The following OPCML variants were observed in gnomAD, a reference collection of about 807,000 sequenced individuals.
OPCML encodes opioid binding protein/cell adhesion molecule like.
A neutral mutation model predicts 37.8 loss-of-function variants in OPCML; 13 were observed. That is an observed-to-expected ratio of 0.34 (90% CI 0.22 to 0.55). The LOEUF (loss-of-function observed/expected upper bound fraction) is 0.55. Among genes scored for constraint, OPCML ranks in the 20% least tolerant of loss-of-function variants. The probability of loss-of-function intolerance (pLI) is 0.91; values close to 1 mark genes in which losing one functional copy is unlikely to be tolerated. For missense variants in OPCML, 341 were observed against 435.6 expected (o/e 0.78, Z 1.93); for synonymous variants, 176 against 168.8 (o/e 1.04, Z -0.33).
At chr11:132,725,698 G>T (rs990943424) in intron 2 of OPCML, among the ~76,000 whole-genome samples, 1 of 150,614 alleles carries the variant, frequency 6.6e-6, no homozygotes, top group African/African-American at 2.4e-5. Context: ...TGAATGGTTT[G>T]CTGCTTAGAA....
At chr11:133,255,928 T>A (rs1941298118) in intron 1 of OPCML, among the ~76,000 whole-genome samples, 1 of 152,268 alleles carries the variant, frequency 6.6e-6, no homozygotes, top group East Asian at 1.9e-4. Flanking sequence ...GTTTCTGGTA[T>A]AATTTGCATT....
At chr11:132,830,797 C>T (rs562517845) in intron 2 of OPCML, among the ~76,000 whole-genome samples, 12 of 152,228 alleles carry the variant, frequency 7.9e-5, no homozygotes, top group African/African-American at 2.4e-4. Context: ...GAAACATACA[C>T]GCGTGCTTTC....
At chr11:133,217,108 C>G (rs1939615742) in intron 1 of OPCML, among the ~76,000 whole-genome samples, 1 of 125,508 alleles carries the variant, frequency 8.0e-6, no homozygotes, top group Admixed American at 8.8e-5. Flanking sequence ...AAGAACTCAG[C>G]CCTTTTCCTT....
At chr11:133,259,686 T>C (rs1213669453) in intron 1 of OPCML, among the ~76,000 whole-genome samples, 8 of 152,172 alleles carry the variant, frequency 5.3e-5, no homozygotes, top group Admixed American at 3.3e-4. Flanking sequence ...TTTTAAAAAA[T>C]TAGAATTACA....
At chr11:132,478,145 A>C (rs1202381228) in intron 4 of OPCML, among the ~76,000 whole-genome samples, 2 of 152,252 alleles carry the variant, frequency 1.3e-5, no homozygotes, top group African/African-American at 4.8e-5. Context: ...GTGAAATGAT[A>C]TAATACAGTA....
In OPCML at chr11:132,943,310, C is replaced by G; in HGVS notation, c.62-300G>C. 1 of 658,966 alleles carries G rather than the reference C, an allele frequency of 1.5e-6. No individual in the cohort carries two copies. Among genetic ancestry groups the G allele is most frequent in the Non-Finnish European group, 2.5e-6 (1 of 396,434 alleles). The allele number at this position is 658,966 out of a possible 1,614,324, so 40.8% of individuals were successfully genotyped here. On this transcript the variant is annotated intron_variant, in intron 1 of 7. Coordinates refer to ENST00000524381, the MANE Select transcript of OPCML (RefSeq NM_001012393.5). The surrounding 1 kb of genome is among the most constrained non-coding windows in gnomAD (Gnocchi z 4.3). Reference sequence around the variant, plus strand: ...TTCCAGCCTAGCAGAACCAGATGCCCCCTCCTGCATCCAAAAAGAGCTTTC... The same window carrying G: ...TTCCAGCCTAGCAGAACCAGATGCCGCCTCCTGCATCCAAAAAGAGCTTTC...
intron 1 of OPCML, among the ~76,000 whole-genome samples, chr11:132,973,829 A>G (rs908222003): frequency 1.3e-5 from 2 of 152,170 alleles, no homozygotes; most frequent in African/African-American, 2.4e-5. Context: ...GCAGATGATC[A>G]TCTTCTACTT....
chr11:133,322,539 C>T (rs938695223), intron 1 of OPCML, among the ~76,000 whole-genome samples: 2 of 152,122 alleles, frequency 1.3e-5, no homozygotes, highest in African/African-American at 4.8e-5. Flanking sequence ...AAGTTAAACC[C>T]ATGCCAGTTG....
At chr11:132,694,808 G>A (rs1010594099) in intron 2 of OPCML, among the ~76,000 whole-genome samples, 1 of 152,132 alleles carries the variant, frequency 6.6e-6, no homozygotes, top group African/African-American at 2.4e-5. Flanking sequence ...AGATACCTAT[G>A]CTGCAATTCT....
chr11:133,324,965 C>T (rs1370146444), intron 1 of OPCML, among the ~76,000 whole-genome samples: 1 of 152,012 alleles, frequency 6.6e-6, no homozygotes, highest in Non-Finnish European at 1.5e-5. Context: ...CCATCTGTAC[C>T]TCTCTGCATC....
chr11:132,462,995 G>T (rs2096107949), intron 4 of OPCML, among the ~76,000 whole-genome samples: 1 of 152,168 alleles, frequency 6.6e-6, no homozygotes, highest in Non-Finnish European at 1.5e-5. Flanking sequence ...GTCCACATCA[G>T]AAGTGATAGA....
intron 1 of OPCML, among the ~76,000 whole-genome samples, chr11:133,416,959 G>A (rs552778835): frequency 4.1e-4 from 62 of 152,236 alleles, no homozygotes; most frequent in African/African-American, 1.3e-3. Context: ...GGTGGGGGCT[G>A]TGGATTAAGC....
chr11:132,782,256 C>A (rs1591602292), intron 2 of OPCML, among the ~76,000 whole-genome samples: 2 of 151,640 alleles, frequency 1.3e-5, no homozygotes, highest in African/African-American at 4.8e-5. Flanking sequence ...CTTGTGGAGC[C>A]ATCCCTCCTG....
At chr11:132,980,395 A>C (rs900582417) in intron 1 of OPCML, among the ~76,000 whole-genome samples, 2 of 152,376 alleles carry the variant, frequency 1.3e-5, no homozygotes, top group Admixed American at 6.5e-5. Context: ...CTATATTAAC[A>C]ACAGTCTGAC....
intron 1 of OPCML, among the ~76,000 whole-genome samples, chr11:133,032,784 G>A (rs1423080729): frequency 6.6e-6 from 1 of 152,082 alleles, no homozygotes; most frequent in Non-Finnish European, 1.5e-5. Context: ...ATTCCGACCT[G>A]GAATTGGTAC....
At chr11:133,260,953 A>T (rs148483891) in intron 1 of OPCML, among the ~76,000 whole-genome samples, 1,887 of 152,288 alleles carry the variant, frequency 0.012, 22 homozygotes, top group South Asian at 0.029. Flanking sequence ...GACTTCCTGG[A>T]ACACTAATTT....
At position 133,085,181 on chromosome 11, in the gene OPCML, C is replaced by A. The variant is rs184545443; in HGVS notation, c.62-142171G>T. Among the ~76,000 whole-genome samples, 301 of 152,332 alleles carry A rather than the reference C, an allele frequency of 2.0e-3. 1 individual carries two copies. Among genetic ancestry groups the A allele is most frequent in the Non-Finnish European group, 3.2e-3 (217 of 68,032 alleles). On this transcript the variant is annotated intron_variant, in intron 1 of 7. Coordinates refer to ENST00000524381, the MANE Select transcript of OPCML (RefSeq NM_001012393.5). ...TATGTCTTCACTGATTCATACAACC[C>A]AGTGCATTTCATGAGTAGCTGCCTA...
chr11:133,068,788 C>A (rs1311373727), intron 1 of OPCML, among the ~76,000 whole-genome samples: 2 of 152,102 alleles, frequency 1.3e-5, no homozygotes, highest in African/African-American at 4.8e-5. Context: ...TTGGGTTAGC[C>A]CCAGTTCTTC....
At chr11:132,821,969 A>G (rs574895668) in intron 2 of OPCML, among the ~76,000 whole-genome samples, 1 of 152,354 alleles carries the variant, frequency 6.6e-6, no homozygotes, top group Admixed American at 6.5e-5. Flanking sequence ...ACAGCTCTCT[A>G]TCTGATTGCC....
Sources: gnomAD v4.1 joint callset for allele counts (sites outside exome capture counted in the v4.1 genomes callset) on GRCh38, gnomAD v4.1.1 for gene constraint, Gnocchi (gnomAD v3.1) non-coding constraint, MANE v1.5 for transcripts, NCBI Gene and HGNC (gene_info 2026-07-23, HGNC 2026-07-21) for gene names.